GRIN3A: variants seen among roughly 807,000 people sequenced by gnomAD.
The protein encoded by GRIN3A is glutamate receptor ionotropic, NMDA 3A.
Under a neutral mutation model 92.4 loss-of-function variants are expected in GRIN3A, and 47 were observed. The ratio of observed to expected loss-of-function variants is 0.51; its 90% CI spans 0.40 to 0.65. GRIN3A has a LOEUF of 0.65. Among genes scored for constraint, GRIN3A ranks in the 30% least tolerant of loss-of-function variants. The pLI, the probability that GRIN3A is intolerant of heterozygous loss-of-function variation, is 0.00. For missense variants in GRIN3A, 1,324 were observed against 1,393.1 expected, an observed-to-expected ratio of 0.95 and a Z score of 0.79; for synonymous variants, 527 against 540.6, an observed-to-expected ratio of 0.97 and a Z score of 0.35.
rs1304914564 is a variant in GRIN3A at position 101,737,456 on chromosome 9, C to G, written c.524G>C (p.Ser175Thr). ...PFSSPSSPWS[S>T]DPFSFLQSVC... ...ACTTTGCAGGAAGGAGAAAGGGTCA[C>G]TGCTCCATGGCGAACTAGGGGAGGA... Residue 175 changes from serine to threonine, a missense_variant, in exon 1 of 9, where the codon AGT (serine) becomes ACT (threonine). Ser to Thr is a moderately conservative substitution (Grantham distance 58). Transcript: ENST00000361820. 1.9e-6 allele frequency: 3 copies of G among 1,614,266 alleles called. No individual in the cohort carries two copies. Among genetic ancestry groups the G allele is most frequent in the Non-Finnish European group, 2.5e-6 (3 of 1,180,050 alleles).
Position 101,613,426 on chromosome 9 carries a change from T to G in GRIN3A, c.2716A>C (p.Lys906Gln). ...SHGFMDMLHD[K>Q]WYRVVPCGKR... Reference sequence around the variant, plus strand: ...CCACAGGGAACCACCCTGTACCACTTGTCATGGAGCATATCCATAAACCCA... The same window carrying G: ...CCACAGGGAACCACCCTGTACCACTGGTCATGGAGCATATCCATAAACCCA... Residue 906 changes from lysine (K) to glutamine (Q), a missense_variant, in exon 6 of 9, where the codon AAG (lysine) becomes CAG (glutamine). By Grantham distance (53) the Lys-to-Gln change is moderately conservative (BLOSUM62 1). Transcript: ENST00000361820. The G allele has an allele frequency of 6.2e-7, 1 of 1,614,214 alleles. No individual in the cohort carries two copies. The highest frequency in any genetic ancestry group is 8.5e-7 in the Non-Finnish European group (1 of 1,180,024).
intron 6 of GRIN3A, among the ~76,000 whole-genome samples, chr9:101,595,595 A>G (rs553565657): frequency 6.6e-6 from 1 of 152,298 alleles, no homozygotes; most frequent in African/African-American, 2.4e-5. Context: ...TACCTTTTTC[A>G]GGACGTAGGA....
chr9:101,644,136 C>G (rs941429113), intron 3 of GRIN3A, among the ~76,000 whole-genome samples: 3 of 151,700 alleles, frequency 2.0e-5, no homozygotes, highest in African/African-American at 7.3e-5. Flanking sequence ...AACTTAAATG[C>G]ATATAATTTT....
rs548373950 is a variant in GRIN3A at position 101,599,843 on chromosome 9, A to G, written c.2766+13533T>C. Among the ~76,000 whole-genome samples the G allele has an allele frequency of 7.2e-5, 11 of 152,236 alleles. No homozygotes were observed. In the South Asian group the frequency reaches 2.1e-3, roughly 29 times the overall value. ...AGAAGCTATACAGGTGGTCCTTGACATTTGGTTGGAAGCTCTCACCTTTCT... is the reference window on the plus strand; with the variant it reads ...AGAAGCTATACAGGTGGTCCTTGACGTTTGGTTGGAAGCTCTCACCTTTCT... On this transcript the variant is annotated intron_variant, in intron 6 of 8. Transcript: ENST00000361820.
At chr9:101,705,234 A>G (rs1481926506) in intron 1 of GRIN3A, among the ~76,000 whole-genome samples, 2 of 152,122 alleles carry the variant, frequency 1.3e-5, no homozygotes, top group Non-Finnish European at 2.9e-5. Context: ...AAGCGGCTGA[A>G]TGTTGAGAAG....
intron 6 of GRIN3A, among the ~76,000 whole-genome samples, chr9:101,598,227 A>T (rs1828165138): frequency 6.6e-6 from 1 of 152,300 alleles, no homozygotes; most frequent in South Asian, 2.1e-4. Flanking sequence ...GTTGTTTTAC[A>T]CTTTTTGTAC....
chr9:101,620,403 C>A (rs548929158), intron 5 of GRIN3A, among the ~76,000 whole-genome samples: 1 of 152,106 alleles, frequency 6.6e-6, no homozygotes, highest in African/African-American at 2.4e-5. Context: ...TAGGTTTCAA[C>A]ATATGAATCT....
At chr9:101,674,277 AG>A (rs999245551) in intron 2 of GRIN3A, among the ~76,000 whole-genome samples, 17 of 152,006 alleles carry the variant, frequency 1.1e-4, no homozygotes, top group African/African-American at 4.1e-4. Flanking sequence ...TTTCCTTGCT[AG>A]TTATATAGGA....
In GRIN3A at chr9:101,594,660, C is replaced by T. The variant is rs767516711; in HGVS notation, c.2767-15300G>A. On this transcript the variant is annotated intron_variant, in intron 6 of 8. Transcript: ENST00000361820. The stretch of plus-strand genomic sequence containing the variant: ...AACGCAAACCTCAACTTCTGCTCCT[C>T]GTCGCCCTTGACGCTGAACTGGGAG... The T allele has an allele frequency of 3.1e-6, 5 of 1,614,200 alleles. No individual in the cohort carries two copies. In the East Asian group the frequency reaches 6.7e-5, roughly 22 times the overall value.
At chr9:101,631,290 C>T (rs929277768) in intron 3 of GRIN3A, among the ~76,000 whole-genome samples, 2 of 152,142 alleles carry the variant, frequency 1.3e-5, no homozygotes, top group African/African-American at 4.8e-5. Flanking sequence ...AGGAAGGTGA[C>T]AGCTTTGTCA....
chr9:101,654,465 C>G (rs1016845422), intron 3 of GRIN3A, among the ~76,000 whole-genome samples: 1 of 151,520 alleles, frequency 6.6e-6, no homozygotes, highest in African/African-American at 2.4e-5. Context: ...GTGAAATTTA[C>G]ATACATATTT....
intron 3 of GRIN3A, among the ~76,000 whole-genome samples, chr9:101,654,325 A>G (rs7046942): frequency 6.6e-6 from 1 of 150,864 alleles, no homozygotes; most frequent in African/African-American, 2.4e-5. Context: ...AATATACATA[A>G]GTACTATATT....
chr9:101,709,802 A>G (rs1249322025), intron 1 of GRIN3A, among the ~76,000 whole-genome samples: 2 of 152,202 alleles, frequency 1.3e-5, no homozygotes, highest in African/African-American at 4.8e-5. Context: ...AAAAATTATT[A>G]TACAAGTACC....
At chr9:101,598,091 G>C (rs548126517) in intron 6 of GRIN3A, among the ~76,000 whole-genome samples, 1 of 152,056 alleles carries the variant, frequency 6.6e-6, no homozygotes, top group African/African-American at 2.4e-5. Context: ...AATTATATAT[G>C]TACTTTTAAA....
intron 6 of GRIN3A, among the ~76,000 whole-genome samples, chr9:101,599,932 T>C (rs974609741): frequency 1.3e-5 from 2 of 152,232 alleles, no homozygotes; most frequent in Non-Finnish European, 2.9e-5. Context: ...GTTTAGACTG[T>C]GGAACTACTA....
chr9:101,599,452 G>A lies in GRIN3A; in HGVS notation c.2766+13924C>T, dbSNP rs58723462. 7.8e-3 allele frequency among the ~76,000 whole-genome samples: 1,183 copies of A among 152,132 alleles called. 14 individuals carry two copies. The highest frequency in any genetic ancestry group is 0.027 in the African/African-American group (1,139 of 41,496). ...AACTATGTAGCTCAGCATTATTATGGGACTCAACACCATTGTTTTGATTTT... is the reference window on the plus strand; with the variant it reads ...AACTATGTAGCTCAGCATTATTATGAGACTCAACACCATTGTTTTGATTTT... On this transcript the variant is annotated intron_variant, in intron 6 of 8. Coordinates refer to ENST00000361820, the MANE Select transcript of GRIN3A (RefSeq NM_133445.3).
In GRIN3A at chr9:101,572,925, A is replaced by G. The variant is rs1485904139; in HGVS notation, c.*249T>C. 5 of 512,756 alleles carry G rather than the reference A, an allele frequency of 9.8e-6. No homozygotes were observed. Among genetic ancestry groups the G allele is most frequent in the African/African-American group, 9.6e-5 (5 of 52,132 alleles). 31.8% of individuals were successfully genotyped at this position (512,756 alleles called of 1,614,324 possible). On this transcript the variant is annotated 3_prime_UTR_variant, in exon 9 of 9. Coordinates refer to ENST00000361820, the MANE Select transcript of GRIN3A (RefSeq NM_133445.3). The stretch of plus-strand genomic sequence containing the variant: ...GCTGGGGTTATCTGGTTATTCACAG[A>G]TCTCTCGCACAGAGCTTACTCCTGA...
intron 2 of GRIN3A, among the ~76,000 whole-genome samples, chr9:101,675,650 A>G (rs940749117): frequency 4.0e-5 from 6 of 149,682 alleles, no homozygotes; most frequent in African/African-American, 1.5e-4. Context: ...ACCTGGCACA[A>G]TGTTGACATA....
At chr9:101,645,098 C>T (rs28710384) in intron 3 of GRIN3A, among the ~76,000 whole-genome samples, 53,665 of 151,650 alleles carry the variant, frequency 0.35, 9,990 homozygotes, top group African/African-American at 0.48. Context: ...AACACTGTAA[C>T]TTATTTCTTC....
Sources: gnomAD v4.1 joint callset for allele counts (sites outside exome capture counted in the v4.1 genomes callset) on GRCh38, gnomAD v4.1.1 for gene constraint, MANE v1.5 for transcripts, NCBI Gene and HGNC (gene_info 2026-07-23, HGNC 2026-07-21) for gene names.